SLC44A5: variants seen among roughly 807,000 people sequenced by gnomAD.
The protein encoded by SLC44A5 is choline transporter-like protein 5.
In SLC44A5, 57 loss-of-function variants were observed where a neutral mutation model predicts 101.8. The observed-to-expected ratio is 0.56, with a 90% CI of 0.45 to 0.70. The LOEUF (loss-of-function observed/expected upper bound fraction) is 0.70. Ranked by LOEUF, SLC44A5 falls within the 30% of genes least tolerant of loss-of-function variation. The pLI is 0.00. For synonymous variants in SLC44A5, 281 were observed against 290.9 expected, an observed-to-expected ratio of 0.97 and a Z score of 0.35; for missense variants, 737 against 853.1, an observed-to-expected ratio of 0.86 and a Z score of 1.70.
chr1:75,682,884 A>G, the SLC44A5 span, among the ~76,000 whole-genome samples: 6 of 152,230 alleles, frequency 3.9e-5, no homozygotes, highest in African/African-American at 1.4e-4. Context: ...TCCAGAATCT[A>G]CAATGAACTC....
intron 2 of SLC44A5, among the ~76,000 whole-genome samples, chr1:75,427,698 G>C (rs1664390412): frequency 6.6e-6 from 1 of 152,154 alleles, no homozygotes; most frequent in Non-Finnish European, 1.5e-5. Flanking sequence ...TTAATCTTTT[G>C]TGCCTCTATT....
chr1:75,334,875 T>C (rs999488806), intron 4 of SLC44A5, among the ~76,000 whole-genome samples: 8 of 152,180 alleles, frequency 5.3e-5, no homozygotes, highest in African/African-American at 1.7e-4. Flanking sequence ...CTGGAGTGAA[T>C]TGCAGGCACT....
intron 2 of SLC44A5, among the ~76,000 whole-genome samples, chr1:75,401,568 G>T (rs752801131): frequency 1.3e-5 from 2 of 152,182 alleles, no homozygotes; most frequent in African/African-American, 4.8e-5. Context: ...GCATCTATGA[G>T]GAACTGAAAC....
At chr1:75,464,655 A>G (rs539742906) in intron 2 of SLC44A5, among the ~76,000 whole-genome samples, 1 of 152,302 alleles carries the variant, frequency 6.6e-6, no homozygotes, top group Non-Finnish European at 1.5e-5. Flanking sequence ...TACAAAAAAT[A>G]CACACATAAA....
chr1:75,583,167 C>G (rs192350470), intron 1 of SLC44A5, among the ~76,000 whole-genome samples: 39 of 152,272 alleles, frequency 2.6e-4, no homozygotes, highest in African/African-American at 8.9e-4. Context: ...GGACTCTGTT[C>G]TGGTTTTTTA....
intron 6 of SLC44A5, among the ~76,000 whole-genome samples, chr1:75,251,749 T>C (rs1469850806): frequency 6.6e-6 from 1 of 152,194 alleles, no homozygotes; most frequent in Non-Finnish European, 1.5e-5. Context: ...TTTTGTGCTT[T>C]TATGGATTTC....
intron 3 of SLC44A5, among the ~76,000 whole-genome samples, chr1:75,392,110 A>G (rs1243048815): frequency 6.6e-6 from 1 of 152,136 alleles, no homozygotes; most frequent in South Asian, 2.1e-4. Flanking sequence ...TGATCACGCC[A>G]CTGTACTTCA....
upstream of SLC44A5, among the ~76,000 whole-genome samples, chr1:75,611,832 C>T (rs1333780990): frequency 1.3e-5 from 2 of 152,012 alleles, no homozygotes; most frequent in Admixed American, 6.6e-5. Flanking sequence ...CCCTTCCAAA[C>T]ATCACTCTTC....
intron 2 of SLC44A5, among the ~76,000 whole-genome samples, chr1:75,494,184 GC>G (rs1668557518): frequency 6.6e-6 from 1 of 152,186 alleles, no homozygotes; most frequent in South Asian, 2.1e-4. Flanking sequence ...CAGCAGGAAT[GC>G]CTTTGCCAGA....
the SLC44A5 span, among the ~76,000 whole-genome samples, chr1:75,649,946 TG>T: frequency 6.6e-6 from 1 of 152,206 alleles, no homozygotes; most frequent in African/African-American, 2.4e-5. Flanking sequence ...GTCTTGATAC[TG>T]GGTAATATCT....
chr1:75,505,508 C>A (rs1231365567), intron 2 of SLC44A5, among the ~76,000 whole-genome samples: 1 of 152,164 alleles, frequency 6.6e-6, no homozygotes, highest in Non-Finnish European at 1.5e-5. Flanking sequence ...TGCAGCCTCA[C>A]CATCATCTGT....
chr1:75,373,102 T>C (rs1229871127), intron 3 of SLC44A5, among the ~76,000 whole-genome samples: 1 of 152,090 alleles, frequency 6.6e-6, no homozygotes, highest in African/African-American at 2.4e-5. Flanking sequence ...TAGGTCAAAG[T>C]GTCAGAATCA....
chr1:75,466,226 G>A (rs922859689), intron 2 of SLC44A5, among the ~76,000 whole-genome samples: 7 of 152,076 alleles, frequency 4.6e-5, no homozygotes, highest in African/African-American at 9.7e-5. Flanking sequence ...TTCAACATAC[G>A]TAAGCCAATC....
Position 75,493,943 on chromosome 1 carries a change from G to A in SLC44A5, c.13+47492C>T, listed in dbSNP as rs184184350. ...TTTTAACTAGCTTGTGCTGGAAGCT[G>A]ATGAGGTAAGCAATCTCTAGTCCTC... On this transcript the variant is annotated intron_variant, in intron 2 of 23. Coordinates refer to ENST00000370859, the MANE Select transcript of SLC44A5 (RefSeq NM_001130058.2). Among the ~76,000 whole-genome samples, 783 of 152,340 alleles carry A rather than the reference G, an allele frequency of 5.1e-3. 19 individuals carry two copies. The highest frequency in any genetic ancestry group is 0.036 in the Admixed American group (552 of 15,298).
chr1:75,304,580 C>T (rs1208410522), intron 4 of SLC44A5, among the ~76,000 whole-genome samples: 1 of 152,092 alleles, frequency 6.6e-6, no homozygotes, highest in Non-Finnish European at 1.5e-5. Context: ...GCATCTGTCA[C>T]AATCCTAAAT....
At chr1:75,662,654 A>G in the SLC44A5 span, among the ~76,000 whole-genome samples, 2 of 148,316 alleles carry the variant, frequency 1.3e-5, no homozygotes, top group Admixed American at 6.8e-5. Flanking sequence ...TTGTGTATAA[A>G]TTTTAAAAAT....
chr1:75,503,920 A>T (rs1669104000), intron 2 of SLC44A5, among the ~76,000 whole-genome samples: 2 of 152,116 alleles, frequency 1.3e-5, no homozygotes, highest in Non-Finnish European at 2.9e-5. Context: ...GACCTGAGGA[A>T]ATGTAGGATA....
intron 2 of SLC44A5, among the ~76,000 whole-genome samples, chr1:75,474,898 T>C (rs1456875065): frequency 1.3e-5 from 2 of 152,242 alleles, no homozygotes; most frequent in Admixed American, 6.5e-5. Context: ...TTTCAAGTAA[T>C]TCTGAATTCT....
chr1:75,642,203 C>T, the SLC44A5 span: 1 of 584,252 alleles, frequency 1.7e-6, no homozygotes, highest in Non-Finnish European at 2.9e-6. Context: ...AGGTCTGTGA[C>T]AGCTTGTTTC....
Sources: gnomAD v4.1 joint callset for allele counts (sites outside exome capture counted in the v4.1 genomes callset) on GRCh38, gnomAD v4.1.1 for gene constraint, MANE v1.5 for transcripts, NCBI Gene and HGNC (gene_info 2026-07-23, HGNC 2026-07-21) for gene names.